TMC7: variants seen among roughly 807,000 people sequenced by gnomAD.
TMC7 encodes the protein transmembrane channel-like protein 7.
TMC7 carries 54 observed loss-of-function variants against 82.9 expected under a neutral mutation model. That is an observed-to-expected ratio of 0.65 (90% confidence interval 0.52 to 0.82). TMC7 has a LOEUF of 0.82. Ranked by LOEUF, TMC7 falls within the 40% of genes least tolerant of loss-of-function variation. The pLI, the probability that TMC7 is intolerant of heterozygous loss-of-function variation, is 0.00. For missense variants in TMC7, 820 were observed against 901.2 expected (o/e 0.91, Z 1.15); for synonymous variants, 350 against 337.9 (o/e 1.04, Z -0.39).
chr16:18,984,139 G>T lies in TMC7; in HGVS notation c.67+9G>T, dbSNP rs923314671. On this transcript the variant is annotated intron_variant, in intron 1 of 15. Transcript: ENST00000304381. ...GCCGGCGGTCCATCCAGGTAGGGCG[G>T]CAGGGAGCGCGCGCGGGGACGGTGC... is the stretch of plus-strand genomic sequence containing the variant. 11 of 1,492,710 alleles carry T rather than the reference G, an allele frequency of 7.4e-6. No individual in the cohort carries two copies. Among genetic ancestry groups the T allele is most frequent in the Non-Finnish European group, 9.7e-6 (11 of 1,129,024 alleles). 92.5% of individuals were successfully genotyped at this position (1,492,710 alleles called of 1,614,324 possible).
Position 19,030,327 on chromosome 16 carries a change from CA to C in TMC7, c.817del (p.Ile273SerfsTer6). ...YDLPLAYLLS[T>X]IASLALSLLW... ...CTGCCCCTGGCGTATTTGTTAAGCA[CA>C]ATCGCCTCCCTGGCCCTGAGCCTTC... On this transcript the variant is annotated frameshift_variant, in exon 6 of 16. Transcript: ENST00000304381. LOFTEE classifies it high-confidence loss of function. The C allele has an allele frequency of 1.2e-6, 2 of 1,613,676 alleles. No individual in the cohort carries two copies. The highest frequency in any genetic ancestry group is 1.7e-6 in the Non-Finnish European group (2 of 1,179,886).
intron 1 of TMC7, among the ~76,000 whole-genome samples, chr16:18,996,962 G>A (rs1232571710): frequency 6.6e-6 from 1 of 152,232 alleles, no homozygotes; most frequent in Non-Finnish European, 1.5e-5. Flanking sequence ...TGTCTCTTTT[G>A]TCTCTATTAG....
At chr16:19,018,143 A>G (rs1375997639) in intron 3 of TMC7, among the ~76,000 whole-genome samples, 1 of 152,196 alleles carries the variant, frequency 6.6e-6, no homozygotes, top group Non-Finnish European at 1.5e-5. Context: ...GTCTCAAAAC[A>G]AAAACATAAA....
At chr16:19,001,715 CAG>C (rs1161605346) in intron 1 of TMC7, among the ~76,000 whole-genome samples, 3 of 152,098 alleles carry the variant, frequency 2.0e-5, no homozygotes, top group Non-Finnish European at 4.4e-5. Flanking sequence ...GGAGTAGTAA[CAG>C]GGGTGAGTGA....
intron 13 of TMC7, 81 bp downstream of exon 13, chr16:19,051,897 C>CTT: frequency 6.7e-7 from 1 of 1,493,462 alleles, no homozygotes; most frequent in Admixed American, 1.9e-5. Flanking sequence ...CGTCATATCA[C>CTT]ATTTTTTTTT....
chr16:19,019,853 G>A (rs1385762438), intron 3 of TMC7, among the ~76,000 whole-genome samples: 1 of 152,148 alleles, frequency 6.6e-6, no homozygotes, highest in East Asian at 1.9e-4. Flanking sequence ...ATGAAGTGCA[G>A]GTGTGATAAT....
rs1209901403 is a variant in TMC7 at position 19,045,583 on chromosome 16, G to T, written c.1553+145G>T. On this transcript the variant is annotated intron_variant, in intron 11 of 15. Transcript: ENST00000304381. ...TACAGCCCTGGAAATCTGACAACTG[G>T]TAACTTTCTTTTTTTTTTTTTTTTT... 2.9e-5 allele frequency: 15 copies of T among 514,010 alleles called. No homozygotes were observed. In the Admixed American group the frequency reaches 3.8e-4, roughly 13 times the overall value. The allele number at this position is 514,010 out of a possible 1,614,324, so 31.8% of individuals were successfully genotyped here.
chr16:19,050,610 T>C (rs1285918426), intron 12 of TMC7, among the ~76,000 whole-genome samples: 1 of 151,792 alleles, frequency 6.6e-6, no homozygotes, highest in Non-Finnish European at 1.5e-5. Context: ...CACCTCAGCC[T>C]CCCAAGTAGC....
chr16:19,040,472 G>T lies in TMC7; in HGVS notation c.1337+26G>T, dbSNP rs374074934. On this transcript the variant is annotated intron_variant, in intron 9 of 15. Transcript: ENST00000304381. ...GTAATGCCTAACATGAAGATGGCAG[G>T]CATGTCAAGCCAGTCACTACCTGCC... 4.4e-6 allele frequency: 7 copies of T among 1,597,788 alleles called. No individual in the cohort carries two copies. In the South Asian group the frequency reaches 6.7e-5, roughly 15 times the overall value.
intron 1 of TMC7, among the ~76,000 whole-genome samples, chr16:18,993,871 G>A (rs1486712545): frequency 6.6e-6 from 1 of 152,162 alleles, no homozygotes; most frequent in African/African-American, 2.4e-5. Context: ...AGTGGAGGGG[G>A]GCAGAGTGGT....
intron 3 of TMC7, among the ~76,000 whole-genome samples, chr16:19,018,759 G>T (rs1199674173): frequency 6.6e-6 from 1 of 151,938 alleles, no homozygotes; most frequent in Non-Finnish European, 1.5e-5. Flanking sequence ...AACATAGTAA[G>T]ATCCTGTCTC....
chr16:19,049,705 C>T (rs866809276), intron 12 of TMC7: 82 of 975,994 alleles, frequency 8.4e-5, no homozygotes, highest in Non-Finnish European at 9.5e-5. Flanking sequence ...GCCTCACTTC[C>T]GTCACTCACA....
chr16:19,037,734 C>A, intron 7 of TMC7, 140 bp from the exon 8 acceptor site: 2 of 850,690 alleles, frequency 2.4e-6, no homozygotes, highest in Non-Finnish European at 3.5e-6. Flanking sequence ...TGGCCTGCCA[C>A]GGTGCTAGGG....
At chr16:18,994,954 G>T (rs568264962) in intron 1 of TMC7, among the ~76,000 whole-genome samples, 16 of 149,186 alleles carry the variant, frequency 1.1e-4, no homozygotes, top group Non-Finnish European at 2.1e-4. Context: ...GCCAAGGCGG[G>T]AGTAGAGGTG....
At chr16:19,035,881 G>T (rs1960724906) in intron 7 of TMC7, 58 bp downstream of exon 7, 2 of 1,516,142 alleles carry the variant, frequency 1.3e-6, no homozygotes, top group Admixed American at 4.5e-5. Flanking sequence ...CCTGCCTTTG[G>T]AGCCTGAGTT....
chr16:18,986,462 A>C (rs1287210353), intron 1 of TMC7, among the ~76,000 whole-genome samples: 1 of 151,622 alleles, frequency 6.6e-6, no homozygotes, highest in South Asian at 2.1e-4. Context: ...AGCCTGAGGC[A>C]GGAGAATCGC....
intron 3 of TMC7, among the ~76,000 whole-genome samples, chr16:19,017,322 T>A (rs1303216852): frequency 1.3e-5 from 2 of 149,930 alleles, no homozygotes; most frequent in Non-Finnish European, 3.0e-5. Context: ...TATTTAAAAA[T>A]AATATTAAAT....
Position 19,035,691 on chromosome 16 carries a change from C to T in TMC7, c.873C>T (p.Phe291=), listed in dbSNP as rs772852930. 3.7e-6 allele frequency: 6 copies of T among 1,613,974 alleles called. No homozygotes were observed. The highest frequency in any genetic ancestry group is 5.1e-6 in the Non-Finnish European group (6 of 1,180,032). ...LWIVKRSVEG[F]KINLIRSEEH... ...TTGGGGTCAGGTCGGTGGAAGGATTCAAAATCAACCTGATTCGGAGTGAGG... is the reference window on the plus strand; with the variant it reads ...TTGGGGTCAGGTCGGTGGAAGGATTTAAAATCAACCTGATTCGGAGTGAGG... Residue 291 remains phenylalanine (F), a synonymous_variant, in exon 7 of 16, where the codon TTC becomes TTT. Transcript: ENST00000304381.
At chr16:19,036,407 T>C (rs563002148) in intron 7 of TMC7, among the ~76,000 whole-genome samples, 1 of 151,410 alleles carries the variant, frequency 6.6e-6, no homozygotes, top group Non-Finnish European at 1.5e-5. Context: ...TACTTGGGAG[T>C]CTGAGGCAAG....
Sources: gnomAD v4.1 joint callset for allele counts (sites outside exome capture counted in the v4.1 genomes callset) on GRCh38, gnomAD v4.1.1 for gene constraint, MANE v1.5 for transcripts, NCBI Gene and HGNC (gene_info 2026-07-23, HGNC 2026-07-21) for gene names.